The following CATSPER1 variants were observed in gnomAD, a reference collection of about 807,000 sequenced individuals.
CATSPER1 encodes the protein cation channel sperm-associated protein 1.
In CATSPER1, 57 loss-of-function variants were observed where a neutral mutation model predicts 72.7. The ratio of observed to expected loss-of-function variants is 0.78; its 90% CI spans 0.63 to 0.98. The LOEUF (loss-of-function observed/expected upper bound fraction) is 0.98, where lower values mean the gene tolerates loss of function less well. Among genes scored for constraint, CATSPER1 ranks in the 50% least tolerant of loss-of-function variants. CATSPER1 has a pLI of 0.00. For missense variants in CATSPER1, 910 were observed against 1,033.9 expected (o/e 0.88, Z 1.64); for synonymous variants, 363 against 403.0 (o/e 0.90, Z 1.19).
rs530527428 is a variant in CATSPER1, at chr11:66,020,312, G to C, written c.2064+5C>G. On this transcript the variant is annotated splice_donor_5th_base_variant and intron_variant, in intron 8 of 11. Transcript: ENST00000312106. This position sits in a 1 kb window ranked among gnomAD's most constrained non-coding sequence, Gnocchi z 4.5. Reference sequence around the variant, plus strand: ...CTGGTCCACCTGTCCCACCCCACTCGGTACCTCCTGCTTCGCTTTCTCAAG... The same window carrying C: ...CTGGTCCACCTGTCCCACCCCACTCCGTACCTCCTGCTTCGCTTTCTCAAG... The C allele has an allele frequency of 1.9e-6, 3 of 1,614,134 alleles. No homozygotes were observed. The highest frequency in any genetic ancestry group is 2.7e-5 in the African/African-American group (2 of 75,052).
rs1194914650 is a variant in CATSPER1 at position 66,025,717 on chromosome 11, G to A, written c.663C>T (p.His221=). Residue 221 remains histidine (H), a synonymous_variant, in exon 1 of 12, where the codon CAC becomes CAT. Transcript: ENST00000312106. ...QVPHRGWPHH[H]QVHHHGRSRH... ...GGGACCTGCCATGGTGGTGGACTTG[G>A]TGATGGTGGGGCCAGCCACGGTGGG... The A allele has an allele frequency of 1.9e-6, 3 of 1,613,960 alleles. No individual in the cohort carries two copies. Among genetic ancestry groups the A allele is most frequent in the South Asian group, 2.2e-5 (2 of 91,062 alleles).
chr11:66,021,263 C>T lies in CATSPER1; in HGVS notation c.1692-78G>A, dbSNP rs1001245813. ...GTCTCTGCCCAGCAGCCACAGCTGG[C>T]GCTGAAGGCAGGAGGCTCCTGACTT... On this transcript the variant is annotated intron_variant, in intron 4 of 11. Coordinates refer to ENST00000312106, the MANE Select transcript of CATSPER1 (RefSeq NM_053054.4). 64 of 1,432,986 alleles carry T rather than the reference C, an allele frequency of 4.5e-5. No homozygotes were observed. The African/African-American group carries it at 7.3e-4, about 16-fold the overall frequency. 88.8% of individuals were successfully genotyped at this position (1,432,986 alleles called of 1,614,324 possible).
Position 66,020,680 on chromosome 11 carries a change from C to T in CATSPER1, c.1928-53G>A. ...TCAGGCTGTGCTCGCCACCCCCAAC[C>T]ACGACCTGCTCCCTTCCCATACCCG... On this transcript the variant is annotated intron_variant, in intron 6 of 11. Transcript: ENST00000312106. The surrounding 1 kb of genome is among the most constrained non-coding windows in gnomAD (Gnocchi z 4.5). The T allele has an allele frequency of 6.3e-7, 1 of 1,597,556 alleles. No homozygotes were observed. Among genetic ancestry groups the T allele is most frequent in the East Asian group, 2.2e-5 (1 of 44,652 alleles).
Position 66,020,300 on chromosome 11 carries a change from C to T in CATSPER1, c.2064+17G>A, listed in dbSNP as rs1856330886. 2 of 1,614,140 alleles carry T rather than the reference C, an allele frequency of 1.2e-6. No homozygotes were observed. The highest frequency in any genetic ancestry group is 1.7e-6 in the Non-Finnish European group (2 of 1,179,988). On this transcript the variant is annotated intron_variant, in intron 8 of 11. Coordinates refer to ENST00000312106, the MANE Select transcript of CATSPER1 (RefSeq NM_053054.4). The surrounding 1 kb of genome is among the most constrained non-coding windows in gnomAD (Gnocchi z 4.5). ...CAGCTTCCTGATCTGGTCCACCTGTCCCACCCCACTCGGTACCTCCTGCTT... is the reference window on the plus strand; with the variant it reads ...CAGCTTCCTGATCTGGTCCACCTGTTCCACCCCACTCGGTACCTCCTGCTT...
intron 1 of CATSPER1, among the ~76,000 whole-genome samples, chr11:66,024,271 G>GTTTT (rs796751086): frequency 8.1e-5 from 9 of 110,590 alleles, no homozygotes; most frequent in Admixed American, 2.1e-4. Context: ...CAGCCTATTT[G>GTTTT]TTTTTTTTTT....
chr11:66,021,950 C>A, intron 2 of CATSPER1, 71 bp from the exon 3 acceptor site: 1 of 1,181,866 alleles, frequency 8.5e-7, no homozygotes, highest in Non-Finnish European at 1.3e-6. Flanking sequence ...CAGCATTAGC[C>A]TCACACAAGC....
At chr11:66,019,142 C>G (rs1043261180) in intron 9 of CATSPER1, among the ~76,000 whole-genome samples, 9 of 152,146 alleles carry the variant, frequency 5.9e-5, no homozygotes, top group African/African-American at 2.2e-4. Flanking sequence ...CCCTTTCAGT[C>G]CATGTCCTTT....
In CATSPER1 at chr11:66,022,960, T is replaced by C; in HGVS notation, c.1318A>G (p.Ile440Val). ...GCCAAGGATTGGGTCAGGTTCCGGATCATTTCCCGGAAGCCCTGAATGAGG... is the reference window on the plus strand; with the variant it reads ...GCCAAGGATTGGGTCAGGTTCCGGACCATTTCCCGGAAGCCCTGAATGAGG... ...TFLIQGFREM[I>V]RNLTQSLAFE... Residue 440 changes from isoleucine to valine, a missense_variant, in exon 2 of 12, where the codon ATC (isoleucine) becomes GTC (valine). Ile to Val is a conservative substitution (Grantham distance 29, BLOSUM62 3). Coordinates refer to ENST00000312106, the MANE Select transcript of CATSPER1 (RefSeq NM_053054.4). 6.2e-7 allele frequency: 1 copy of C among 1,614,164 alleles called. No individual in the cohort carries two copies. The highest frequency in any genetic ancestry group is 1.7e-5 in the Admixed American group (1 of 60,030).
At position 66,025,150 on chromosome 11, in the gene CATSPER1, C is replaced by T; in HGVS notation, c.1216+14G>A. On this transcript the variant is annotated intron_variant, in intron 1 of 11. Transcript: ENST00000312106. ...GCAGCAGGAGTTGGCATGGGGGGCCCAGCAAAGACTCACTTTTGCGTTTCT... is the reference window on the plus strand; with the variant it reads ...GCAGCAGGAGTTGGCATGGGGGGCCTAGCAAAGACTCACTTTTGCGTTTCT... The T allele has an allele frequency of 6.2e-7, 1 of 1,614,028 alleles. No individual in the cohort carries two copies. Among genetic ancestry groups the T allele is most frequent in the Non-Finnish European group, 8.5e-7 (1 of 1,180,012 alleles).
intron 1 of CATSPER1, among the ~76,000 whole-genome samples, chr11:66,024,812 C>T (rs748839743): frequency 1.9e-4 from 29 of 152,154 alleles, no homozygotes; most frequent in Non-Finnish European, 3.1e-4. Context: ...TAAGTGACCA[C>T]TCCTAGTTTT....
Position 66,025,584 on chromosome 11 carries a change from C to T in CATSPER1, c.796G>A (p.Glu266Lys), listed in dbSNP as rs138388451. The change falls in exon 1 of 12, where the codon GAG (glutamate) becomes AAG (lysine). Residue 266 changes from glutamate (E) to lysine (K), a missense_variant. By Grantham distance (56) the Glu-to-Lys change is moderately conservative. Coordinates refer to ENST00000312106, the MANE Select transcript of CATSPER1 (RefSeq NM_053054.4). ...YQRGISDYHS[E>K]YHQGDHHPSE... ...GGGTGGTGATCACCTTGGTGGTACT[C>T]GCTGTGATAGTCAGATATCCCACGC... 2.0e-5 allele frequency: 32 copies of T among 1,606,278 alleles called. No homozygotes were observed. The highest frequency in any genetic ancestry group is 1.3e-4 in the African/African-American group (10 of 74,406).
Position 66,022,960 on chromosome 11 carries a change from T to A in CATSPER1, c.1318A>T (p.Ile440Phe). ...TFLIQGFREMIRNLTQSLAFE... is the reference protein window; with the variant it reads ...TFLIQGFREMFRNLTQSLAFE... ...GCCAAGGATTGGGTCAGGTTCCGGA[T>A]CATTTCCCGGAAGCCCTGAATGAGG... The change falls in exon 2 of 12, where the codon ATC becomes TTC. Residue 440 changes from isoleucine to phenylalanine, a missense_variant. Ile to Phe is a conservative substitution (Grantham distance 21, BLOSUM62 0). Coordinates refer to ENST00000312106, the MANE Select transcript of CATSPER1 (RefSeq NM_053054.4). 1.9e-6 allele frequency: 3 copies of A among 1,614,164 alleles called. No homozygotes were observed. Among genetic ancestry groups the A allele is most frequent in the Non-Finnish European group, 1.7e-6 (2 of 1,179,998 alleles).
In CATSPER1 at chr11:66,021,149, C is replaced by T. The variant is rs1332000568; in HGVS notation, c.1728G>A (p.Leu576=). 1 of 1,613,528 alleles carries T rather than the reference C, an allele frequency of 6.2e-7. No homozygotes were observed. Among genetic ancestry groups the T allele is most frequent in the East Asian group, 2.2e-5 (1 of 44,852 alleles). ...CTGCGATGGACGGCAAGGACTGGCC[C>T]AGGGTCCCTGTCACTTCCTGGACGC... ...LTSVQEVTGT[L]GQSLPSIAAI... is the part of the protein sequence containing the mutation. Residue 576 remains leucine (L), a synonymous_variant, in exon 5 of 12, where the codon CTG becomes CTA. Transcript: ENST00000312106.
chr11:66,021,036 C>A, intron 5 of CATSPER1, 58 bp downstream of exon 5: 10 of 1,603,762 alleles, frequency 6.2e-6, no homozygotes, highest in Non-Finnish European at 8.5e-6. Context: ...CTGCTCCCCG[C>A]ACCCCTTTCA....
At position 66,026,321 on chromosome 11, in the gene CATSPER1, T is replaced by C. The variant is rs765276179; in HGVS notation, c.59A>G (p.Asp20Gly). 1 of 1,614,220 alleles carries C rather than the reference T, an allele frequency of 6.2e-7. No individual in the cohort carries two copies. Among genetic ancestry groups the C allele is most frequent in the African/African-American group, 1.3e-5 (1 of 75,050 alleles). Residue 20 changes from aspartate (D) to glycine (G), a missense_variant, in exon 1 of 12, where the codon GAT (aspartate) becomes GGT (glycine). Physicochemically the swap from Asp to Gly is moderately conservative, Grantham distance 94 (BLOSUM62 -1). Transcript: ENST00000312106. ...AQNEADTNNADRFFRSHSSPP... is the reference protein window; with the variant it reads ...AQNEADTNNAGRFFRSHSSPP... Reference sequence around the variant, plus strand: ...TGATGAGTGAGAGCGAAAGAACCTATCTGCGTTATTGGTGTCTGCCTCATT... The same window carrying C: ...TGATGAGTGAGAGCGAAAGAACCTACCTGCGTTATTGGTGTCTGCCTCATT...
intron 9 of CATSPER1, 82 bp from the exon 10 acceptor site, chr11:66,018,984 G>A: frequency 2.5e-6 from 3 of 1,188,542 alleles, no homozygotes; most frequent in Admixed American, 1.8e-5. Flanking sequence ...GGAAGATAAG[G>A]GCTAATGGAG....
chr11:66,026,320 A>G lies in CATSPER1; in HGVS notation c.60T>C (p.Asp20=), dbSNP rs2135002683. 1 of 1,614,192 alleles carries G rather than the reference A, an allele frequency of 6.2e-7. No homozygotes were observed. The highest frequency in any genetic ancestry group is 2.2e-5 in the East Asian group (1 of 44,890). The change falls in exon 1 of 12, where the codon GAT becomes GAC. Residue 20 remains aspartate (D), a synonymous_variant. Transcript: ENST00000312106. ...AQNEADTNNA[D]RFFRSHSSPP... ...GTGATGAGTGAGAGCGAAAGAACCTATCTGCGTTATTGGTGTCTGCCTCAT... is the reference window on the plus strand; with the variant it reads ...GTGATGAGTGAGAGCGAAAGAACCTGTCTGCGTTATTGGTGTCTGCCTCAT...
At chr11:66,024,559 C>T (rs1856453769) in intron 1 of CATSPER1, among the ~76,000 whole-genome samples, 1 of 152,174 alleles carries the variant, frequency 6.6e-6, no homozygotes, top group Non-Finnish European at 1.5e-5. Context: ...AGATTACAGG[C>T]GTGAGTCACC....
chr11:66,024,271 GTTTTTT>G (rs796751086), intron 1 of CATSPER1, among the ~76,000 whole-genome samples: 4 of 110,604 alleles, frequency 3.6e-5, no homozygotes, highest in Non-Finnish European at 7.2e-5. Context: ...CAGCCTATTT[GTTTTTT>G]TTTTTTTTTT....
Sources: gnomAD v4.1 joint callset for allele counts (sites outside exome capture counted in the v4.1 genomes callset) on GRCh38, gnomAD v4.1.1 for gene constraint, Gnocchi (gnomAD v3.1) non-coding constraint, MANE v1.5 for transcripts, NCBI Gene and HGNC (gene_info 2026-07-23, HGNC 2026-07-21) for gene names.